Variants in PARP1 observed in about 807,000 individuals in gnomAD.
PARP1 encodes the protein poly [ADP-ribose] polymerase 1.
A neutral mutation model predicts 118.7 loss-of-function variants in PARP1; 44 were observed. That is an observed-to-expected ratio of 0.37 (90% CI 0.29 to 0.48). PARP1 has a LOEUF of 0.48. PARP1 is among the 20% of genes least tolerant of loss of function. The pLI, the probability that PARP1 is intolerant of heterozygous loss-of-function variation, is 0.99. For missense variants in PARP1, 1,100 were observed against 1,272.4 expected (o/e 0.86, Z 2.06); for synonymous variants, 492 against 483.2 (o/e 1.02, Z -0.24).
chr1:226,365,794 A>C (rs1664252185), intron 18 of PARP1, among the ~76,000 whole-genome samples, 160 bp downstream of exon 18: 1 of 5,678 alleles, frequency 1.8e-4, no homozygotes, highest in Non-Finnish European at 5.8e-4. Flanking sequence ...ACAAACAAAC[A>C]AAAAAAAAAC....
chr1:226,364,003 T>A lies in PARP1; in HGVS notation c.2726A>T (p.His909Leu), dbSNP rs149314007. The part of the protein sequence containing the change: ...DMVSKSANYC[H>L]TSQGDPIGLI... ...GCCTATTGGGTCTCCCTGAGACGTA[T>A]GGCAGTAGTTGGCACTCTTGGAGAC... is the stretch of plus-strand genomic sequence containing the variant. Residue 909 changes from histidine (H) to leucine (L), a missense_variant, in exon 20 of 23, where the codon CAT (histidine) becomes CTT (leucine). By Grantham distance (99) the His-to-Leu change is moderately conservative. This residue lies in a region of PARP1 where 152 missense variants were observed against 240.6 expected (regional missense o/e 0.63). Transcript: ENST00000366794. 1 of 1,613,796 alleles carries A rather than the reference T, an allele frequency of 6.2e-7. No individual in the cohort carries two copies. Among genetic ancestry groups the A allele is most frequent in the South Asian group, 1.1e-5 (1 of 91,076 alleles).
chr1:226,402,929 G>GA (rs963736702), intron 1 of PARP1, among the ~76,000 whole-genome samples: 2 of 152,226 alleles, frequency 1.3e-5, no homozygotes, highest in African/African-American at 4.8e-5. Context: ...AAGTGTGTCA[G>GA]AAAAAAGTGT....
At chr1:226,401,620 G>A (rs1289317817) in intron 2 of PARP1, among the ~76,000 whole-genome samples, 1 of 152,182 alleles carries the variant, frequency 6.6e-6, no homozygotes, top group Non-Finnish European at 1.5e-5. Context: ...CCTCGGTTTG[G>A]TTTGGTGTCT....
intron 21 of PARP1, chr1:226,362,341 A>G: frequency 2.3e-6 from 1 of 441,662 alleles, no homozygotes; most frequent in East Asian, 4.6e-5. Flanking sequence ...GCGCGCCACC[A>G]CACCCAGCTA....
intron 2 of PARP1, chr1:226,393,060 A>G: frequency 7.8e-7 from 1 of 1,283,058 alleles, no homozygotes. Context: ...CTCTACTTGT[A>G]GATGATTCTA....
At chr1:226,398,467 C>T (rs148163634) in intron 2 of PARP1, among the ~76,000 whole-genome samples, 2 of 150,442 alleles carry the variant, frequency 1.3e-5, no homozygotes, top group East Asian at 3.9e-4. Context: ...GAGGTCAAGG[C>T]TGCAGCGAAC....
At chr1:226,376,479 A>G (rs1461911505) in intron 13 of PARP1, among the ~76,000 whole-genome samples, 1 of 152,220 alleles carries the variant, frequency 6.6e-6, no homozygotes, top group Non-Finnish European at 1.5e-5. Flanking sequence ...GACCAGTCAC[A>G]TGATCAAGGG....
chr1:226,383,288 T>A, intron 7 of PARP1, 105 bp from the exon 8 acceptor site: 1 of 899,554 alleles, frequency 1.1e-6, no homozygotes, highest in Non-Finnish European at 1.8e-6. Flanking sequence ...TCTCTTTTTT[T>A]CTTCTTACAA....
chr1:226,387,497 C>G (rs556789356), intron 5 of PARP1, among the ~76,000 whole-genome samples: 22 of 152,290 alleles, frequency 1.4e-4, no homozygotes, highest in African/African-American at 5.1e-4. Flanking sequence ...GATTTTAACT[C>G]CACTGGCAAA....
At chr1:226,386,561 C>G in intron 5 of PARP1, 119 bp from the exon 6 acceptor site, 1 of 781,530 alleles carries the variant, frequency 1.3e-6, no homozygotes. Context: ...GCGAGCTGCC[C>G]CTGCAAATCT....
At position 226,379,255 on chromosome 1, in the gene PARP1, A is replaced by G. The variant is rs368710728; in HGVS notation, c.1632T>C (p.His544=). The G allele has an allele frequency of 7.6e-5, 122 of 1,614,126 alleles. No individual in the cohort carries two copies. Among genetic ancestry groups the G allele is most frequent in the Non-Finnish European group, 9.8e-5 (116 of 1,180,036 alleles). Reference sequence around the variant, plus strand: ...AGACCTTCCCACCTTTCTCCAGGACATGCGCAGAGTGTTCCAGTCCTGTCC... The same window carrying G: ...AGACCTTCCCACCTTTCTCCAGGACGTGCGCAGAGTGTTCCAGTCCTGTCC... ...DPDSGLEHSA[H]VLEKGGKVFS... Residue 544 remains histidine, a synonymous_variant, in exon 12 of 23, where the codon CAT becomes CAC. Transcript: ENST00000366794.
chr1:226,370,974 A>G (rs1664371794), intron 14 of PARP1: 1 of 222,098 alleles, frequency 4.5e-6, no homozygotes, highest in Non-Finnish European at 9.2e-6. Flanking sequence ...AGTGTTGAAC[A>G]CTATTTTTAA....
intron 15 of PARP1, 122 bp from the exon 16 acceptor site, chr1:226,368,443 T>G: frequency 8.2e-7 from 1 of 1,216,496 alleles, no homozygotes; most frequent in Non-Finnish European, 1.2e-6. Flanking sequence ...TATGTGCACA[T>G]GCCAGGACAC....
In PARP1 at chr1:226,360,993, A is replaced by AAAATCT; in HGVS notation, c.*461_*466dup. On this transcript the variant is annotated 3_prime_UTR_variant, in exon 23 of 23. Transcript: ENST00000366794. ...GGACAATAAGTGCAAGATAAAAAAG[A>AAAATCT]AAATCTAAATAGTATGAAATTAGTT... 4.3e-6 allele frequency: 1 copy of AAAATCT among 230,694 alleles called. No homozygotes were observed. Among genetic ancestry groups the AAAATCT allele is most frequent in the East Asian group, 6.6e-5 (1 of 15,222 alleles). 14.3% of individuals were successfully genotyped at this position (230,694 alleles called of 1,614,324 possible).
intron 2 of PARP1, among the ~76,000 whole-genome samples, chr1:226,396,056 T>C (rs1664909079): frequency 6.6e-6 from 1 of 152,020 alleles, no homozygotes; most frequent in Non-Finnish European, 1.5e-5. Flanking sequence ...TTAAAAATGG[T>C]TAAGACAGGC....
chr1:226,398,968 C>A (rs1484020724), intron 2 of PARP1, among the ~76,000 whole-genome samples: 1 of 152,120 alleles, frequency 6.6e-6, no homozygotes, highest in Non-Finnish European at 1.5e-5. Context: ...ATCAAGATGT[C>A]CTTCAGCAGG....
chr1:226,389,563 C>T (rs1664783942), intron 4 of PARP1, among the ~76,000 whole-genome samples: 1 of 152,232 alleles, frequency 6.6e-6, no homozygotes, highest in Non-Finnish European at 1.5e-5. Flanking sequence ...TCAACACATT[C>T]TGGCAGTTAT....
rs767782294 is a variant in PARP1 at position 226,390,591 on chromosome 1, G to T, written c.436C>A (p.Pro146Thr). The change falls in exon 4 of 23, where the codon CCG (proline) becomes ACG (threonine). Residue 146 changes from proline to threonine, a missense_variant. Physicochemically the swap from Pro to Thr is conservative, Grantham distance 38. This residue lies in a region of PARP1 where 948 missense variants were observed against 1,031.8 expected (regional missense o/e 0.92). Coordinates refer to ENST00000366794, the MANE Select transcript of PARP1 (RefSeq NM_001618.4). ...QVRLSKKMVD[P>T]EKPQLGMIDR... Reference sequence around the variant, plus strand: ...ATCATGCCTAGCTGTGGCTTCTCCGGGTCCACCATCTTCTTGGACAGGCGC... The same window carrying T: ...ATCATGCCTAGCTGTGGCTTCTCCGTGTCCACCATCTTCTTGGACAGGCGC... 6.2e-7 allele frequency: 1 copy of T among 1,614,096 alleles called. No individual in the cohort carries two copies. The highest frequency in any genetic ancestry group is 1.1e-5 in the South Asian group (1 of 91,064).
At chr1:226,379,391 C>A (rs746149583) in intron 11 of PARP1, 117 bp from the exon 12 acceptor site, 28 of 1,375,850 alleles carry the variant, frequency 2.0e-5, no homozygotes, top group Non-Finnish European at 2.8e-5. Flanking sequence ...CCACCACCCT[C>A]GGGAGGCTCC....
Sources: gnomAD v4.1 joint callset for allele counts (sites outside exome capture counted in the v4.1 genomes callset) on GRCh38, gnomAD v4.1.1 for gene constraint, gnomAD v4.1.1 regional missense constraint, MANE v1.5 for transcripts, NCBI Gene and HGNC (gene_info 2026-07-23, HGNC 2026-07-21) for gene names.